The following TRDN variants were observed in gnomAD, a reference collection of about 807,000 sequenced individuals.
The protein encoded by TRDN is triadin.
A neutral mutation model predicts 149.7 loss-of-function variants in TRDN; 161 were observed. That is an observed-to-expected ratio of 1.08 (90% CI 0.95 to 1.23). TRDN has a LOEUF of 1.23. Among genes scored for constraint, TRDN ranks in the 50% most tolerant of loss-of-function variants. The pLI, the probability that TRDN is intolerant of heterozygous loss-of-function variation, is 0.00. For missense variants in TRDN, 896 were observed against 823.5 expected (o/e 1.09, Z -1.08); for synonymous variants, 294 against 250.5 (o/e 1.17, Z -1.64).
intron 1 of TRDN, among the ~76,000 whole-genome samples, chr6:123,627,038 C>A (rs1337060923): frequency 1.3e-5 from 2 of 151,930 alleles, no homozygotes; most frequent in Admixed American, 6.6e-5. Context: ...AAGTAATTCT[C>A]CTGCCTCAGC....
At chr6:123,375,758 T>C (rs1318074262) in intron 18 of TRDN, 127 bp from the exon 19 acceptor site, 6 of 735,962 alleles carry the variant, frequency 8.2e-6, no homozygotes, top group African/African-American at 3.8e-5. Flanking sequence ...TAAAGAAAAA[T>C]AAGATCTGAG....
intron 12 of TRDN, among the ~76,000 whole-genome samples, chr6:123,432,451 G>T (rs1385876201): frequency 2.7e-5 from 4 of 150,606 alleles, no homozygotes; most frequent in Non-Finnish European, 5.9e-5. Flanking sequence ...AAAAAGAGTA[G>T]TTTTCACCAA....
At chr6:123,265,747 A>G (rs985840277) in intron 32 of TRDN, among the ~76,000 whole-genome samples, 1 of 147,688 alleles carries the variant, frequency 6.8e-6, no homozygotes, top group Non-Finnish European at 1.5e-5. Context: ...AATTTATACT[A>G]ATAATATTAA....
Position 123,273,375 on chromosome 6 carries a change from AAAT to A in TRDN, c.1598-15_1598-13del, listed in dbSNP as rs775131297. ...TTTTTCAGATATAGCTAAAATAAAT[AAAT>A]AACATATTAGATTAAATTACCTGCA... On this transcript the variant is annotated splice_polypyrimidine_tract_variant and intron_variant, in intron 27 of 40. Coordinates refer to ENST00000334268, the MANE Select transcript of TRDN (RefSeq NM_006073.4). 17 of 958,544 alleles carry A rather than the reference AAAT, an allele frequency of 1.8e-5. No individual in the cohort carries two copies. In the Middle Eastern group the frequency reaches 3.3e-3, roughly 184 times the overall value. The allele number at this position is 958,544 out of a possible 1,614,324, so 59.4% of individuals were successfully genotyped here.
intron 2 of TRDN, among the ~76,000 whole-genome samples, chr6:123,559,317 C>G (rs939281400): frequency 6.6e-6 from 1 of 152,168 alleles, no homozygotes; most frequent in Non-Finnish European, 1.5e-5. Flanking sequence ...CTCCCCAGCT[C>G]TGGTGCCAAA....
At chr6:123,562,450 A>T (rs1782052375) in intron 2 of TRDN, among the ~76,000 whole-genome samples, 1 of 152,212 alleles carries the variant, frequency 6.6e-6, no homozygotes, top group South Asian at 2.1e-4. Context: ...AAAGAGGCCT[A>T]AGAGAGTTCA....
At chr6:123,381,268 C>T in intron 16 of TRDN, 102 bp downstream of exon 16, 1 of 1,129,706 alleles carries the variant, frequency 8.9e-7, no homozygotes, top group Non-Finnish European at 1.3e-6. Flanking sequence ...ATGCATAAAA[C>T]ATAGGAAAAG....
chr6:123,604,060 A>G (rs574573837), intron 1 of TRDN, among the ~76,000 whole-genome samples: 1 of 152,332 alleles, frequency 6.6e-6, no homozygotes, highest in Non-Finnish European at 1.5e-5. Flanking sequence ...TAACTCAACT[A>G]CTGAATTTGT....
At position 123,266,322 on chromosome 6, in the gene TRDN, T is replaced by TAATA. The variant is rs1776971746; in HGVS notation, c.1784-985_1784-984insTATT. ...TATATATAATTATATGTAATATGTA[T>TAATA]TATATATTATGATATGTATTATATA... On this transcript the variant is annotated intron_variant, in intron 32 of 40. Coordinates refer to ENST00000334268, the MANE Select transcript of TRDN (RefSeq NM_006073.4). Among the ~76,000 whole-genome samples, 4 of 96,730 alleles carry TAATA rather than the reference T, an allele frequency of 4.1e-5. No individual in the cohort carries two copies. In the East Asian group the frequency reaches 8.4e-4, roughly 20 times the overall value. 63.5% of individuals were successfully genotyped at this position (96,730 alleles called of 152,430 possible).
chr6:123,318,499 T>G (rs1257815285), intron 23 of TRDN, among the ~76,000 whole-genome samples: 1 of 152,046 alleles, frequency 6.6e-6, no homozygotes, highest in Non-Finnish European at 1.5e-5. Context: ...CCGGGTCATA[T>G]CCCAAGGTCT....
intron 1 of TRDN, among the ~76,000 whole-genome samples, chr6:123,575,731 A>G (rs765313938): frequency 1.3e-5 from 2 of 152,092 alleles, no homozygotes; most frequent in Non-Finnish European, 2.9e-5. Flanking sequence ...TATATAATGG[A>G]TCTAAAGACT....
intron 4 of TRDN, among the ~76,000 whole-genome samples, chr6:123,532,222 C>T (rs1365165937): frequency 6.6e-6 from 1 of 151,944 alleles, no homozygotes; most frequent in Non-Finnish European, 1.5e-5. Flanking sequence ...TAAAATACCT[C>T]ATTAATAATT....
In TRDN at chr6:123,321,765, AGG is replaced by A. The variant is rs377432206; in HGVS notation, c.1472-5272_1472-5271del. On this transcript the variant is annotated intron_variant, in intron 23 of 40. Transcript: ENST00000334268. ...TAAGCCTCCCTAAATAAGTCTTAAG[AGG>A]AATGCTTATTTTGCAAAGATTCAGT... Among the ~76,000 whole-genome samples the A allele has an allele frequency of 1.0e-3, 157 of 152,008 alleles. 1 individual carries two copies. Among genetic ancestry groups the A allele is most frequent in the African/African-American group, 3.7e-3 (153 of 41,444 alleles).
chr6:123,257,113 T>G (rs758060877), intron 35 of TRDN, among the ~76,000 whole-genome samples: 6 of 151,978 alleles, frequency 3.9e-5, no homozygotes, highest in Non-Finnish European at 8.8e-5. Flanking sequence ...CCTGAGTAGC[T>G]GGACCACTGG....
At chr6:123,583,844 T>A (rs1289916945) in intron 1 of TRDN, 17 of 196,582 alleles carry the variant, frequency 8.6e-5, no homozygotes, top group East Asian at 1.7e-4. Flanking sequence ...TCAAGCTTGA[T>A]GTGTAGGGAA....
chr6:123,541,786 C>T lies in TRDN; in HGVS notation c.424+5554G>A, dbSNP rs537866604. Among the ~76,000 whole-genome samples the T allele has an allele frequency of 2.6e-5, 4 of 152,250 alleles. No homozygotes were observed. The South Asian group carries it at 8.3e-4, about 32-fold the overall frequency. On this transcript the variant is annotated intron_variant, in intron 4 of 40. Coordinates refer to ENST00000334268, the MANE Select transcript of TRDN (RefSeq NM_006073.4). ...GTTTAGTCATCTTTCCATTCTCCTT[C>T]CTTTTTTCATGCACCGTATTTTTCA...
At position 123,279,086 on chromosome 6, in the gene TRDN, GA is replaced by G. The variant is rs528401509; in HGVS notation, c.1511-5del. The stretch of plus-strand genomic sequence containing the variant: ...GGTTTAGGCTTGACTTCTTTGCCTA[GA>G]AAAAAGTAAAAAAATTATTAAAGGC... On this transcript the variant is annotated splice_region_variant and splice_polypyrimidine_tract_variant and intron_variant, in intron 24 of 40. Coordinates refer to ENST00000334268, the MANE Select transcript of TRDN (RefSeq NM_006073.4). The G allele has an allele frequency of 3.1e-6, 5 of 1,603,956 alleles. No individual in the cohort carries two copies. The highest frequency in any genetic ancestry group is 4.3e-6 in the Non-Finnish European group (5 of 1,175,646).
At chr6:123,526,884 A>G (rs41475452) in intron 5 of TRDN, among the ~76,000 whole-genome samples, 46,824 of 151,822 alleles carry the variant, frequency 0.31, 7,619 homozygotes, top group Admixed American at 0.44. Context: ...ACTCTCATCC[A>G]GTTAGAGGTG....
chr6:123,380,558 T>C (rs939625417), intron 16 of TRDN, among the ~76,000 whole-genome samples: 6 of 152,140 alleles, frequency 3.9e-5, no homozygotes, highest in African/African-American at 1.4e-4. Context: ...TTTACAACGT[T>C]GAATGTCTCA....
Sources: gnomAD v4.1 joint callset for allele counts (sites outside exome capture counted in the v4.1 genomes callset) on GRCh38, gnomAD v4.1.1 for gene constraint, MANE v1.5 for transcripts, NCBI Gene and HGNC (gene_info 2026-07-23, HGNC 2026-07-21) for gene names.